The following ELMO1 variants were observed in gnomAD, a reference collection of about 807,000 sequenced individuals.
ELMO1 encodes the protein engulfment and cell motility 1.
Under a neutral mutation model 98.9 loss-of-function variants are expected in ELMO1, and 26 were observed. The ratio of observed to expected loss-of-function variants is 0.26; its 90% confidence interval spans 0.19 to 0.36. The LOEUF (loss-of-function observed/expected upper bound fraction) is 0.36. Ranked by LOEUF, ELMO1 falls within the 10% of genes least tolerant of loss-of-function variation. The pLI, the probability that ELMO1 is intolerant of heterozygous loss-of-function variation, is 1.00. For missense variants in ELMO1, 627 were observed against 935.2 expected, an observed-to-expected ratio of 0.67 and a Z score of 4.30; for synonymous variants, 346 against 346.0, an observed-to-expected ratio of 1.00 and a Z score of 0.00.
chr7:36,871,312 G>T lies in ELMO1; in HGVS notation c.1823-837C>A, dbSNP rs369554304. ...GCACTTTGAGGGGCTGAGGCAGGAG[G>T]ACTGCTTAAGGCCAGGCCTTTGAAA... On this transcript the variant is annotated intron_variant, in intron 19 of 21. Transcript: ENST00000310758. Among the ~76,000 whole-genome samples the T allele has an allele frequency of 3.0e-4, 45 of 152,328 alleles. No individual in the cohort carries two copies. The East Asian group carries it at 6.2e-3, about 21-fold the overall frequency.
At chr7:37,329,785 C>T (rs1284530694) in intron 2 of ELMO1, among the ~76,000 whole-genome samples, 2 of 152,200 alleles carry the variant, frequency 1.3e-5, no homozygotes, top group African/African-American at 4.8e-5. Context: ...CCTTACCCCA[C>T]ACACATAATC....
At chr7:37,410,546 C>T (rs889007653) in intron 1 of ELMO1, among the ~76,000 whole-genome samples, 1 of 152,122 alleles carries the variant, frequency 6.6e-6, no homozygotes, top group African/African-American at 2.4e-5. Flanking sequence ...CACCCCTTAA[C>T]ACACACACAG....
At chr7:37,042,024 C>T (rs1013694813) in intron 15 of ELMO1, among the ~76,000 whole-genome samples, 1 of 151,856 alleles carries the variant, frequency 6.6e-6, no homozygotes, top group African/African-American at 2.4e-5. Context: ...GTGGCTCACA[C>T]CTGTAATCCC....
chr7:37,289,679 T>C (rs576325332), intron 4 of ELMO1, among the ~76,000 whole-genome samples: 13 of 152,290 alleles, frequency 8.5e-5, no homozygotes, highest in African/African-American at 3.1e-4. Flanking sequence ...GACTGACAGC[T>C]GGAAGCAAAC....
At chr7:37,129,450 C>A (rs751155613) in intron 14 of ELMO1, among the ~76,000 whole-genome samples, 2 of 152,208 alleles carry the variant, frequency 1.3e-5, no homozygotes, top group Non-Finnish European at 2.9e-5. Flanking sequence ...TCACTGCCTA[C>A]GGCATATGTC....
intron 15 of ELMO1, among the ~76,000 whole-genome samples, chr7:37,066,130 C>G (rs1374607536): frequency 2.0e-5 from 3 of 152,176 alleles, no homozygotes; most frequent in Admixed American, 2.0e-4. Flanking sequence ...CCATGTGGAA[C>G]TGTGAGTCAA....
intron 16 of ELMO1, among the ~76,000 whole-genome samples, chr7:36,951,866 C>T (rs1787992714): frequency 6.6e-6 from 1 of 152,216 alleles, no homozygotes; most frequent in Admixed American, 6.5e-5. Context: ...AATTACGTCC[C>T]CAGTGACTGC....
intron 6 of ELMO1, among the ~76,000 whole-genome samples, chr7:37,258,779 A>G (rs11770004): frequency 0.055 from 8,314 of 152,240 alleles, 279 homozygotes; most frequent in Middle Eastern, 0.099. Flanking sequence ...GAAAAAAGAA[A>G]CATAATTAGG....
At chr7:37,231,089 T>C (rs1443683533) in intron 8 of ELMO1, among the ~76,000 whole-genome samples, 1 of 152,240 alleles carries the variant, frequency 6.6e-6, no homozygotes, top group Admixed American at 6.5e-5. Flanking sequence ...GTGTGTTTTC[T>C]ACAGGGTTCC....
chr7:37,149,088 T>G (rs1174797702), intron 13 of ELMO1, among the ~76,000 whole-genome samples: 1 of 152,206 alleles, frequency 6.6e-6, no homozygotes. Flanking sequence ...GAAACCTCTC[T>G]GCCATGGTGA....
At chr7:37,168,458 C>G (rs970852264) in intron 13 of ELMO1, among the ~76,000 whole-genome samples, 56 of 152,190 alleles carry the variant, frequency 3.7e-4, no homozygotes, top group African/African-American at 1.3e-3. Flanking sequence ...TTTTCCCCAT[C>G]TTTGTGGTTT....
intron 9 of ELMO1, 101 bp from the exon 10 acceptor site, chr7:37,222,794 CA>C (rs1160958285): frequency 2.2e-5 from 22 of 1,017,424 alleles, no homozygotes; most frequent in Admixed American, 5.1e-5. Context: ...CCCCTCCCCC[CA>C]AAAAAAGTGA....
intron 4 of ELMO1, among the ~76,000 whole-genome samples, chr7:37,282,767 G>A (rs1051429661): frequency 6.6e-6 from 1 of 152,148 alleles, no homozygotes; most frequent in Non-Finnish European, 1.5e-5. Flanking sequence ...CAGCAGCCCC[G>A]CCACCCCATT....
At chr7:36,899,732 A>G (rs74953027) in intron 16 of ELMO1, among the ~76,000 whole-genome samples, 6,906 of 122,382 alleles carry the variant, frequency 0.056, 289 homozygotes, top group South Asian at 0.17. Flanking sequence ...CTAATCATTT[A>G]GAATTCAAAA....
intron 15 of ELMO1, among the ~76,000 whole-genome samples, chr7:37,094,834 C>T (rs1019383500): frequency 1.3e-5 from 2 of 152,158 alleles, no homozygotes; most frequent in African/African-American, 2.4e-5. Flanking sequence ...GAGCACAGTG[C>T]GGTTTGTGAG....
intron 14 of ELMO1, among the ~76,000 whole-genome samples, chr7:37,121,288 A>G (rs1321562482): frequency 1.3e-5 from 2 of 152,192 alleles, no homozygotes; most frequent in African/African-American, 4.8e-5. Context: ...TGACTTTGAC[A>G]AGTTCAGAGA....
At chr7:37,113,990 T>C (rs1354557854) in intron 14 of ELMO1, among the ~76,000 whole-genome samples, 2 of 152,194 alleles carry the variant, frequency 1.3e-5, no homozygotes, top group African/African-American at 2.4e-5. Flanking sequence ...TGATATTTTG[T>C]TATGGCAGCC....
intron 13 of ELMO1, among the ~76,000 whole-genome samples, chr7:37,163,987 T>C (rs544292399): frequency 6.6e-6 from 1 of 152,324 alleles, no homozygotes; most frequent in South Asian, 2.1e-4. Flanking sequence ...CTCCACATAC[T>C]CTCCAGCACT....
chr7:37,318,234 A>C (rs1244345416), intron 2 of ELMO1, among the ~76,000 whole-genome samples: 1 of 152,168 alleles, frequency 6.6e-6, no homozygotes, highest in Non-Finnish European at 1.5e-5. Context: ...AACAAAACTT[A>C]TTTCCATAAG....
Sources: allele counts gnomAD v4.1 joint callset (sites outside exome capture counted in the v4.1 genomes callset), GRCh38; gene constraint gnomAD v4.1.1; transcripts MANE v1.5; gene names NCBI Gene and HGNC (gene_info 2026-07-23, HGNC 2026-07-21).